The following SEPTIN11 variants were observed in gnomAD, a reference collection of about 807,000 sequenced individuals.
SEPTIN11 encodes the protein septin-11.
Under a neutral mutation model 51.4 loss-of-function variants are expected in SEPTIN11, and 25 were observed. That is an observed-to-expected ratio of 0.49 (90% CI 0.35 to 0.68). The LOEUF (loss-of-function observed/expected upper bound fraction) is 0.68. Among genes scored for constraint, SEPTIN11 ranks in the 30% least tolerant of loss-of-function variants. The probability of loss-of-function intolerance (pLI) is 0.00; values close to 1 mark genes in which losing one functional copy is unlikely to be tolerated. For synonymous variants in SEPTIN11, 174 were observed against 184.1 expected, an observed-to-expected ratio of 0.95 and a Z score of 0.44; for missense variants, 381 against 520.8, an observed-to-expected ratio of 0.73 and a Z score of 2.61.
intron 1 of SEPTIN11, among the ~76,000 whole-genome samples, chr4:76,970,832 A>G (rs1722208952): frequency 6.6e-6 from 1 of 152,156 alleles, no homozygotes; most frequent in South Asian, 2.1e-4. Flanking sequence ...TTAGTAATTG[A>G]AATTATGTGT....
intron 1 of SEPTIN11, chr4:76,987,774 C>A: frequency 1.2e-6 from 1 of 859,630 alleles, no homozygotes; most frequent in Non-Finnish European, 1.4e-6. Context: ...ATTTTGTGTG[C>A]GAGACAGCAT....
rs1725291771 is a variant in SEPTIN11 at position 77,016,633 on chromosome 4, C to CATATATATATATATATACACAT, written c.687+1633_687+1634insCACATATATATATATATATATA. Among the ~76,000 whole-genome samples, 10 of 72,746 alleles carry CATATATATATATATATACACAT rather than the reference C, an allele frequency of 1.4e-4. 1 individual carries two copies. In the East Asian group the frequency reaches 2.9e-3, roughly 21 times the overall value. The allele number at this position is 72,746 out of a possible 152,430, so 47.7% of individuals were successfully genotyped here. A position where few individuals can be genotyped will look rare whatever the true frequency, so the allele number is the denominator to read the frequency against. ...ATATACACATATATATATATATACA[C>CATATATATATATATATACACAT]ATATATATATATATATATATATACA... On this transcript the variant is annotated intron_variant, in intron 5 of 9. Coordinates refer to ENST00000264893, the MANE Select transcript of SEPTIN11 (RefSeq NM_018243.4).
chr4:76,954,431 G>A (rs1721473753), intron 1 of SEPTIN11, among the ~76,000 whole-genome samples: 1 of 152,046 alleles, frequency 6.6e-6, no homozygotes, highest in Admixed American at 6.5e-5. Context: ...TTTTTTCCAA[G>A]GAGATCTACT....
At chr4:77,016,374 G>A (rs1050654050) in intron 5 of SEPTIN11, among the ~76,000 whole-genome samples, 1 of 150,096 alleles carries the variant, frequency 6.7e-6, no homozygotes, top group Admixed American at 6.7e-5. Flanking sequence ...ACTGCCGCCC[G>A]AGCAGAGCAG....
At chr4:76,953,876 C>G (rs1721451281) in intron 1 of SEPTIN11, among the ~76,000 whole-genome samples, 1 of 152,138 alleles carries the variant, frequency 6.6e-6, no homozygotes, top group Admixed American at 6.5e-5. Context: ...AAGAACAAAA[C>G]TGCCCATAAC....
At chr4:76,977,146 A>T (rs1289542504) in intron 1 of SEPTIN11, among the ~76,000 whole-genome samples, 2 of 152,200 alleles carry the variant, frequency 1.3e-5, no homozygotes, top group Non-Finnish European at 2.9e-5. Flanking sequence ...GCAGTAAATA[A>T]TATGTGACTT....
At position 76,958,871 on chromosome 4, in the gene SEPTIN11, A is replaced by T. The variant is rs907974350; in HGVS notation, c.27+8941A>T. 11 of 1,494,046 alleles carry T rather than the reference A, an allele frequency of 7.4e-6. 1 individual carries two copies. In the East Asian group the frequency reaches 1.1e-4, roughly 15 times the overall value. The allele number at this position is 1,494,046 out of a possible 1,614,324, so 92.5% of individuals were successfully genotyped here. A position where few individuals can be genotyped will look rare whatever the true frequency, so the allele number is the denominator to read the frequency against. ...GAAAACATGATTAGACTAATTCATTATGGTGGCTTCAAGCTTTTCCTTATT... is the reference window on the plus strand; with the variant it reads ...GAAAACATGATTAGACTAATTCATTTTGGTGGCTTCAAGCTTTTCCTTATT... On this transcript the variant is annotated intron_variant, in intron 1 of 9. Coordinates refer to ENST00000264893, the MANE Select transcript of SEPTIN11 (RefSeq NM_018243.4).
In SEPTIN11 at chr4:77,026,670, GT is replaced by G. The variant is rs1560746873; in HGVS notation, c.954-1956del. ...GTCTCTGGAATACACTTTCGGTGGT[GT>G]TTCTATCAAAGTTTCCATTGTTTGT... On this transcript the variant is annotated intron_variant, in intron 7 of 9. Coordinates refer to ENST00000264893, the MANE Select transcript of SEPTIN11 (RefSeq NM_018243.4). Among the ~76,000 whole-genome samples the G allele has an allele frequency of 5.3e-5, 8 of 152,240 alleles. No homozygotes were observed. The South Asian group carries it at 1.7e-3, about 32-fold the overall frequency.
intron 1 of SEPTIN11, among the ~76,000 whole-genome samples, chr4:76,953,687 A>T (rs1422798026): frequency 2.0e-5 from 3 of 152,150 alleles, no homozygotes; most frequent in Non-Finnish European, 4.4e-5. Flanking sequence ...CAGTGATATA[A>T]ATTATACATA....
intron 5 of SEPTIN11, 114 bp downstream of exon 5, chr4:77,015,131 T>A: frequency 2.1e-6 from 2 of 956,614 alleles, no homozygotes; most frequent in Non-Finnish European, 3.0e-6. Context: ...ACTTCAGCTG[T>A]AGTCCAGCTT....
chr4:77,013,078 T>A (rs1203458628), intron 4 of SEPTIN11, among the ~76,000 whole-genome samples: 1 of 152,158 alleles, frequency 6.6e-6, no homozygotes, highest in Middle Eastern at 3.2e-3. Flanking sequence ...TGCCCCATTC[T>A]CCACAGACAT....
intron 3 of SEPTIN11, among the ~76,000 whole-genome samples, chr4:77,011,468 C>T (rs576269520): frequency 6.2e-5 from 9 of 146,118 alleles, no homozygotes; most frequent in Admixed American, 2.9e-4. Context: ...ACAGGTTTCT[C>T]GCAGAGGGGC....
chr4:77,023,269 T>TACACACACACACAC (rs61693678), intron 7 of SEPTIN11, among the ~76,000 whole-genome samples: 8 of 139,254 alleles, frequency 5.7e-5, no homozygotes, highest in African/African-American at 7.9e-5. Flanking sequence ...GGAAAATGTA[T>TACACACACACACAC]ACACACACAC....
chr4:76,991,807 C>T (rs1445762801), intron 1 of SEPTIN11, among the ~76,000 whole-genome samples: 2 of 152,182 alleles, frequency 1.3e-5, no homozygotes, highest in Non-Finnish European at 2.9e-5. Context: ...TCTTAAGGGT[C>T]GGAACTGCAG....
At chr4:76,962,790 T>G (rs575315066) in intron 1 of SEPTIN11, among the ~76,000 whole-genome samples, 73 of 152,306 alleles carry the variant, frequency 4.8e-4, no homozygotes, top group African/African-American at 1.7e-3. Flanking sequence ...TTAGTGATCT[T>G]TTAATGTATT....
chr4:77,005,885 A>G lies in SEPTIN11; in HGVS notation c.338+89A>G, dbSNP rs142225586. 1,892 of 1,261,084 alleles carry G rather than the reference A, an allele frequency of 1.5e-3. 21 individuals are homozygous for G. In the African/African-American group the frequency reaches 0.025, roughly 17 times the overall value. The allele number at this position is 1,261,084 out of a possible 1,614,324, so 78.1% of individuals were successfully genotyped here. A position where few individuals can be genotyped will look rare whatever the true frequency, so the allele number is the denominator to read the frequency against. On this transcript the variant is annotated intron_variant, in intron 3 of 9. Coordinates refer to ENST00000264893, the MANE Select transcript of SEPTIN11 (RefSeq NM_018243.4). ...AATTTAAAGGCCAAATGTTTTGGGG[A>G]TTTTTTAGTTGTGGGGCTTGGTCCT... is the stretch of plus-strand genomic sequence containing the variant.
chr4:77,005,316 G>A (rs980241868), intron 2 of SEPTIN11, among the ~76,000 whole-genome samples: 2 of 152,130 alleles, frequency 1.3e-5, no homozygotes, highest in Admixed American at 1.3e-4. Flanking sequence ...CTGAGCACAG[G>A]CAATCTTACA....
intron 1 of SEPTIN11, among the ~76,000 whole-genome samples, chr4:76,994,669 A>G (rs1169094097): frequency 1.3e-5 from 2 of 152,222 alleles, no homozygotes; most frequent in Non-Finnish European, 2.9e-5. Context: ...TCAGAATTTT[A>G]GAGCTGATAT....
In SEPTIN11 at chr4:76,970,111, T is replaced by G. The variant is rs1553027; in HGVS notation, c.27+20181T>G. The stretch of plus-strand genomic sequence containing the variant: ...ATTAGGCTACCTGCTGGGCCCTGTG[T>G]GTGTACCCTTCGCTTACCTCTGCTT... On this transcript the variant is annotated intron_variant, in intron 1 of 9. Transcript: ENST00000264893. 3.8e-3 allele frequency among the ~76,000 whole-genome samples: 581 copies of G among 152,310 alleles called. 4 individuals are homozygous for G. The highest frequency in any genetic ancestry group is 0.013 in the African/African-American group (543 of 41,572).
Sources: allele counts gnomAD v4.1 joint callset (sites outside exome capture counted in the v4.1 genomes callset), GRCh38; gene constraint gnomAD v4.1.1; transcripts MANE v1.5; gene names NCBI Gene and HGNC (gene_info 2026-07-23, HGNC 2026-07-21).